SLC30A2: variants seen among roughly 807,000 people sequenced by gnomAD.
SLC30A2 encodes proton-coupled zinc antiporter SLC30A2.
Under a neutral mutation model 39.6 loss-of-function variants are expected in SLC30A2, and 19 were observed. The ratio of observed to expected loss-of-function variants is 0.48; its 90% CI spans 0.34 to 0.70. The LOEUF is 0.70. SLC30A2 is among the 30% of genes least tolerant of loss of function. SLC30A2 has a pLI of 0.01. For missense variants in SLC30A2, 387 were observed against 479.4 expected (o/e 0.81, Z 1.80); for synonymous variants, 195 against 194.8 (o/e 1.00, Z -0.01).
rs369142908 is a variant in SLC30A2 at position 26,044,436 on chromosome 1, G to C, written c.280C>G (p.Leu94Val). Residue 94 changes from leucine (L) to valine (V), a missense_variant, in exon 3 of 8, where the codon CTG becomes GTG. Coordinates refer to ENST00000374276, the MANE Select transcript of SLC30A2 (RefSeq NM_001004434.3). ...FMIGEVVGGY[L>V]AHSLAVMTDA... ...GTCATGACAGCCAAGCTGTGTGCCAGGTACCCACCTGCAGGGTGGAGGGTC... is the reference window on the plus strand; with the variant it reads ...GTCATGACAGCCAAGCTGTGTGCCACGTACCCACCTGCAGGGTGGAGGGTC... The C allele has an allele frequency of 1.9e-5, 31 of 1,613,610 alleles. No individual in the cohort carries two copies. The African/African-American group carries it at 3.9e-4, about 20-fold the overall frequency.
In SLC30A2 at chr1:26,041,717, A is replaced by G. The variant is rs1156792842; in HGVS notation, c.821T>C (p.Ile274Thr). 4.3e-6 allele frequency: 7 copies of G among 1,611,814 alleles called. No individual in the cohort carries two copies. The highest frequency in any genetic ancestry group is 1.3e-5 in the African/African-American group (1 of 74,864). The change falls in exon 6 of 8, where the codon ATC becomes ACC. Residue 274 changes from isoleucine to threonine, a missense_variant. Ile to Thr is a moderately conservative substitution (Grantham distance 89). Coordinates refer to ENST00000374276, the MANE Select transcript of SLC30A2 (RefSeq NM_001004434.3). ...CAGGTTACCTTCCATCAACACCAGGATCACATCTCTCAGGATGGTCAAGGT... is the reference window on the plus strand; with the variant it reads ...CAGGTTACCTTCCATCAACACCAGGGTCACATCTCTCAGGATGGTCAAGGT... ...GTTLTILRDV[I>T]LVLMEGTPKG...
At chr1:26,042,903 G>A (rs1206494025) in intron 4 of SLC30A2, among the ~76,000 whole-genome samples, 195 bp from the exon 5 acceptor site, 32 of 152,376 alleles carry the variant, frequency 2.1e-4, no homozygotes, top group Admixed American at 2.0e-3. Context: ...ATGCCAGGCT[G>A]AGCCTGGGCA....
At chr1:26,044,937 GCTGGGAA>G (rs2050442744) in intron 2 of SLC30A2, 53 bp downstream of exon 2, 1 of 1,383,698 alleles carries the variant, frequency 7.2e-7, no homozygotes, top group African/African-American at 1.4e-5. Context: ...TGTCAGTATT[GCTGGGAA>G]CATCCAGTCT....
chr1:26,044,663 A>G (rs540276041), intron 2 of SLC30A2, among the ~76,000 whole-genome samples: 2 of 152,294 alleles, frequency 1.3e-5, no homozygotes, highest in South Asian at 4.1e-4. Context: ...GTGAATGTGC[A>G]CATCAAGTTC....
intron 2 of SLC30A2, 87 bp downstream of exon 2, chr1:26,044,910 G>A (rs1296750232): frequency 9.3e-7 from 1 of 1,074,554 alleles, no homozygotes; most frequent in Non-Finnish European, 1.4e-6. Flanking sequence ...TGTGTGTTCA[G>A]TAATTGGGGC....
chr1:26,040,925 C>A (rs910452770), intron 6 of SLC30A2, among the ~76,000 whole-genome samples: 8 of 151,304 alleles, frequency 5.3e-5, no homozygotes, highest in African/African-American at 4.9e-5. Context: ...GACCCCCCCC[C>A]CATCTCTACA....
rs1340886311 is a variant in SLC30A2 at position 26,045,220 on chromosome 1, G to A, written c.51-3C>T. On this transcript the variant is annotated splice_region_variant and splice_polypyrimidine_tract_variant and intron_variant, in intron 1 of 7. Transcript: ENST00000374276. ...GCCACAGAGATCCCGTGTATGACCT[G>A]GCCAGAGGGGAAGAGAGGGAACGCT... 1 of 1,606,790 alleles carries A rather than the reference G, an allele frequency of 6.2e-7. No homozygotes were observed. Among genetic ancestry groups the A allele is most frequent in the Non-Finnish European group, 8.5e-7 (1 of 1,175,716 alleles).
Position 26,039,072 on chromosome 1 carries a change from T to A in SLC30A2, c.*88A>T. On this transcript the variant is annotated 3_prime_UTR_variant, in exon 8 of 8. Coordinates refer to ENST00000374276, the MANE Select transcript of SLC30A2 (RefSeq NM_001004434.3). This position sits in a 1 kb window ranked among gnomAD's most constrained non-coding sequence, Gnocchi z 4.3. ...GACCTGGTTTACAACACAGCTGGGG[T>A]AGGCAAAGTCCTGGCTGGGCCTGGG... 6.5e-7 allele frequency: 1 copy of A among 1,548,056 alleles called. No homozygotes were observed. Among genetic ancestry groups the A allele is most frequent in the South Asian group, 1.2e-5 (1 of 82,320 alleles).
chr1:26,044,920 C>G, intron 2 of SLC30A2, 77 bp downstream of exon 2: 1 of 1,194,122 alleles, frequency 8.4e-7, no homozygotes, highest in East Asian at 2.3e-5. Context: ...GTAATTGGGG[C>G]TTTTAGTGTC....
rs1203734927 is a variant in SLC30A2, at chr1:26,038,963, C to T, written c.*197G>A. Reference sequence around the variant, plus strand: ...AGAGCAGGGTCACACTAGCTTTATACCCGCTGAGTCCCCACCCTGGCTGTA... The same window carrying T: ...AGAGCAGGGTCACACTAGCTTTATATCCGCTGAGTCCCCACCCTGGCTGTA... On this transcript the variant is annotated 3_prime_UTR_variant, in exon 8 of 8. Coordinates refer to ENST00000374276, the MANE Select transcript of SLC30A2 (RefSeq NM_001004434.3). The T allele has an allele frequency of 4.4e-6, 6 of 1,357,966 alleles. No individual in the cohort carries two copies. Among genetic ancestry groups the T allele is most frequent in the African/African-American group, 2.9e-5 (2 of 68,352 alleles). The allele number at this position is 1,357,966 out of a possible 1,614,324, so 84.1% of individuals were successfully genotyped here.
At chr1:26,043,049 CTG>C (rs2050416619) in intron 4 of SLC30A2, among the ~76,000 whole-genome samples, 1 of 152,294 alleles carries the variant, frequency 6.6e-6, no homozygotes, top group African/African-American at 2.4e-5. Context: ...TTGTCTCTAA[CTG>C]AGACCAATTT....
At chr1:26,044,602 A>G (rs544393960) in intron 2 of SLC30A2, among the ~76,000 whole-genome samples, 158 bp from the exon 3 acceptor site, 65 of 152,198 alleles carry the variant, frequency 4.3e-4, no homozygotes, top group African/African-American at 1.5e-3. Context: ...ACTCTCTCTG[A>G]GCCTCAACTT....
Position 26,045,961 on chromosome 1 carries a change from C to T in SLC30A2, c.-65G>A. 6.3e-7 allele frequency: 1 copy of T among 1,594,646 alleles called. No homozygotes were observed. The highest frequency in any genetic ancestry group is 8.5e-7 in the Non-Finnish European group (1 of 1,176,132). On this transcript the variant is annotated 5_prime_UTR_variant, in exon 1 of 8. Coordinates refer to ENST00000374276, the MANE Select transcript of SLC30A2 (RefSeq NM_001004434.3). ...CGCCGAGTGCGCCCTGAAAGTTGCG[C>T]GCGGGACTCCGGGTGGCGCTCACCC...
intron 6 of SLC30A2, among the ~76,000 whole-genome samples, chr1:26,040,923 C>CCCA (rs1553143485): frequency 6.6e-6 from 1 of 151,286 alleles, no homozygotes; most frequent in Non-Finnish European, 1.5e-5. Context: ...GAGACCCCCC[C>CCCA]CCCATCTCTA....
At chr1:26,044,890 C>T in intron 2 of SLC30A2, 107 bp downstream of exon 2, 1 of 881,176 alleles carries the variant, frequency 1.1e-6, no homozygotes, top group South Asian at 1.5e-5. Flanking sequence ...TATATAAAGG[C>T]TTACTGTAGT....
rs2124419689 is a variant in SLC30A2 at position 26,039,007 on chromosome 1, A to C, written c.*153T>G. On this transcript the variant is annotated 3_prime_UTR_variant, in exon 8 of 8. Coordinates refer to ENST00000374276, the MANE Select transcript of SLC30A2 (RefSeq NM_001004434.3). The surrounding 1 kb of genome is among the most constrained non-coding windows in gnomAD (Gnocchi z 4.3). The stretch of plus-strand genomic sequence containing the variant: ...GGCTGTAGTCAGATGGGAGGCTGGG[A>C]AGAGCTCCATTCCTGGAGTGGGGCA... 7.1e-7 allele frequency: 1 copy of C among 1,410,796 alleles called. No individual in the cohort carries two copies. Among genetic ancestry groups the C allele is most frequent in the East Asian group, 2.6e-5 (1 of 39,132 alleles). 87.4% of individuals were successfully genotyped at this position (1,410,796 alleles called of 1,614,324 possible).
At chr1:26,043,969 C>A (rs78144836) in intron 3 of SLC30A2, among the ~76,000 whole-genome samples, 2,306 of 152,258 alleles carry the variant, frequency 0.015, 18 homozygotes, top group Middle Eastern at 0.027. Flanking sequence ...GCCTTCCCCT[C>A]CCCCCAGAGC....
In SLC30A2 at chr1:26,043,475, C is replaced by G; in HGVS notation, c.495G>C (p.Arg165=). Residue 165 remains arginine, a synonymous_variant, in exon 4 of 8, where the codon CGG becomes CGC. Transcript: ENST00000374276. ...CAATTTCATAGTCCCCAGAGATCAG[C>G]CGCTCCACAGCCAGGTACACCAGTA... ...TGVLVYLAVE[R]LISGDYEIDG... is the part of the protein sequence containing the mutation. 6.2e-7 allele frequency: 1 copy of G among 1,614,128 alleles called. No individual in the cohort carries two copies. The highest frequency in any genetic ancestry group is 1.1e-5 in the South Asian group (1 of 91,082).
Position 26,038,855 on chromosome 1 carries a change from C to T in SLC30A2, c.*305G>A, listed in dbSNP as rs770434564. 34 of 488,356 alleles carry T rather than the reference C, an allele frequency of 7.0e-5. No individual in the cohort carries two copies. The highest frequency in any genetic ancestry group is 9.3e-5 in the Non-Finnish European group (32 of 344,876). The allele number at this position is 488,356 out of a possible 1,614,324, so 30.3% of individuals were successfully genotyped here. ...TCCCCTTGGACGTCCCGTGGCTCAC[C>T]ACCTTTGCCCCTGCGAGTGGTAGAA... On this transcript the variant is annotated 3_prime_UTR_variant, in exon 8 of 8. Transcript: ENST00000374276.
Sources: allele counts gnomAD v4.1 joint callset (sites outside exome capture counted in the v4.1 genomes callset), GRCh38; gene constraint gnomAD v4.1.1; non-coding constraint Gnocchi (gnomAD v3.1); transcripts MANE v1.5; gene names NCBI Gene and HGNC (gene_info 2026-07-23, HGNC 2026-07-21).